The following ZHX2 variants were observed in gnomAD, a reference collection of about 807,000 sequenced individuals.
The protein encoded by ZHX2 is zinc fingers and homeoboxes protein 2.
A neutral mutation model predicts 21.9 loss-of-function variants in ZHX2; 6 were observed. The observed-to-expected ratio is 0.27, with a 90% CI of 0.15 to 0.54. ZHX2 has a LOEUF of 0.54. Ranked by LOEUF, ZHX2 falls within the 20% of genes least tolerant of loss-of-function variation. The probability of loss-of-function intolerance (pLI) is 0.95; values close to 1 mark genes in which losing one functional copy is unlikely to be tolerated. For missense variants in ZHX2, 908 were observed against 1,090.7 expected (o/e 0.83, Z 2.36); for synonymous variants, 434 against 437.1 (o/e 0.99, Z 0.09).
chr8:122,839,086 A>G (rs1818566942), intron 1 of ZHX2, among the ~76,000 whole-genome samples: 1 of 152,172 alleles, frequency 6.6e-6, no homozygotes, highest in African/African-American at 2.4e-5. Flanking sequence ...GTATGATTAT[A>G]GAAGTTATAT....
intron 2 of ZHX2, among the ~76,000 whole-genome samples, chr8:122,945,271 T>A (rs1002702445): frequency 3.9e-5 from 6 of 151,932 alleles, no homozygotes; most frequent in African/African-American, 1.5e-4. Flanking sequence ...TCATACTCAG[T>A]AAGCAAGGGT....
intron 2 of ZHX2, among the ~76,000 whole-genome samples, chr8:122,887,862 G>A (rs968538939): frequency 1.3e-5 from 2 of 152,054 alleles, no homozygotes; most frequent in Non-Finnish European, 2.9e-5. Flanking sequence ...CTTCCTGTTG[G>A]TGTTGCCACC....
chr8:122,969,750 T>C (rs1042258056), intron 3 of ZHX2, among the ~76,000 whole-genome samples: 1 of 152,298 alleles, frequency 6.6e-6, no homozygotes, highest in East Asian at 1.9e-4. Flanking sequence ...TATGGAGAGA[T>C]AATCAATCAC....
intron 2 of ZHX2, among the ~76,000 whole-genome samples, chr8:122,930,227 G>C (rs1820951983): frequency 6.6e-6 from 1 of 152,124 alleles, no homozygotes; most frequent in Admixed American, 6.5e-5. Flanking sequence ...AAGACCCAAG[G>C]GATACTTATT....
At chr8:122,972,681 C>T (rs1354671533) in intron 3 of ZHX2, among the ~76,000 whole-genome samples, 1 of 152,206 alleles carries the variant, frequency 6.6e-6, no homozygotes, top group Non-Finnish European at 1.5e-5. Flanking sequence ...ACAATACTTA[C>T]CATGTGCCAG....
chr8:122,937,996 C>T (rs549938691), intron 2 of ZHX2, among the ~76,000 whole-genome samples: 7 of 120,274 alleles, frequency 5.8e-5, no homozygotes, highest in South Asian at 2.8e-4. Context: ...AGTGCAGTGG[C>T]GAGATCCCGG....
chr8:122,853,796 C>T (rs1344632798), intron 1 of ZHX2, among the ~76,000 whole-genome samples: 2 of 152,160 alleles, frequency 1.3e-5, no homozygotes, highest in African/African-American at 4.8e-5. Context: ...GTCACCCCTC[C>T]CAGGGCACCT....
chr8:122,958,995 G>A (rs1813376556), intron 3 of ZHX2, among the ~76,000 whole-genome samples: 1 of 152,182 alleles, frequency 6.6e-6, no homozygotes, highest in Non-Finnish European at 1.5e-5. Context: ...CTAGGAGGGG[G>A]AGAGGTGGCT....
intron 2 of ZHX2, among the ~76,000 whole-genome samples, chr8:122,932,689 C>T (rs375734823): frequency 6.6e-6 from 1 of 152,352 alleles, no homozygotes; most frequent in East Asian, 1.9e-4. Flanking sequence ...TTAGGTCCCA[C>T]TTGGGGAATC....
At chr8:122,934,081 G>T (rs571584352) in intron 2 of ZHX2, among the ~76,000 whole-genome samples, 2 of 152,250 alleles carry the variant, frequency 1.3e-5, no homozygotes, top group East Asian at 3.9e-4. Flanking sequence ...CACGTTTGCA[G>T]GTACCTGGCA....
At chr8:122,808,914 G>A (rs1209457064) in intron 1 of ZHX2, 1 of 152,240 alleles carries the variant, frequency 6.6e-6, no homozygotes, top group Non-Finnish European at 1.5e-5. Flanking sequence ...TGTGCTGCAT[G>A]CAGTTTTTCT....
rs77755283 is a variant in ZHX2, at chr8:122,802,916, C to G, written c.-283+20970C>G. Among the ~76,000 whole-genome samples the G allele has an allele frequency of 1.4e-4, 21 of 151,974 alleles. No homozygotes were observed. In the South Asian group the frequency reaches 4.1e-3, roughly 30 times the overall value. On this transcript the variant is annotated intron_variant, in intron 1 of 3. Coordinates refer to ENST00000314393, the MANE Select transcript of ZHX2 (RefSeq NM_014943.5). ...CAGAGGAGGCTGACAGGCTGTCACC[C>G]GAGAATGCTCCCCTGCATCCCACTG...
At chr8:122,923,518 A>G (rs1442581552) in intron 2 of ZHX2, among the ~76,000 whole-genome samples, 1 of 152,254 alleles carries the variant, frequency 6.6e-6, no homozygotes, top group Non-Finnish European at 1.5e-5. Flanking sequence ...AAGCAGTCAC[A>G]GGTCAGCACA....
At chr8:122,922,986 A>G (rs1030034654) in intron 2 of ZHX2, among the ~76,000 whole-genome samples, 4 of 152,188 alleles carry the variant, frequency 2.6e-5, no homozygotes, top group Non-Finnish European at 5.9e-5. Context: ...GACAGAGCCA[A>G]CCAGGTGGCC....
At chr8:122,874,329 C>T (rs933098288) in intron 2 of ZHX2, among the ~76,000 whole-genome samples, 23 of 152,274 alleles carry the variant, frequency 1.5e-4, no homozygotes, top group Non-Finnish European at 2.6e-4. Context: ...ATACCATTTG[C>T]TAAGTCCTTG....
intron 1 of ZHX2, among the ~76,000 whole-genome samples, chr8:122,808,181 G>A (rs727221): frequency 0.66 from 100,995 of 152,062 alleles, 33,623 homozygotes; most frequent in African/African-American, 0.72. Flanking sequence ...CCACTTAGAT[G>A]TGAGCACCAG....
chr8:122,955,839 A>AT (rs540333833), intron 3 of ZHX2, among the ~76,000 whole-genome samples: 5,231 of 104,830 alleles, frequency 0.05, 557 homozygotes, highest in African/African-American at 0.17. Flanking sequence ...TGAGGGAGTG[A>AT]TTTTTTTTTT....
At chr8:122,938,280 G>A (rs1193057647) in intron 2 of ZHX2, among the ~76,000 whole-genome samples, 2 of 152,128 alleles carry the variant, frequency 1.3e-5, no homozygotes, top group Admixed American at 6.5e-5. Context: ...TAAGCTTTCA[G>A]TGGAGAGTGG....
At chr8:122,859,463 G>A (rs1372991799) in intron 1 of ZHX2, among the ~76,000 whole-genome samples, 1 of 152,202 alleles carries the variant, frequency 6.6e-6, no homozygotes, top group Non-Finnish European at 1.5e-5. Flanking sequence ...GGAGGGGAAG[G>A]CGGCATTAAT....
Sources: gnomAD v4.1 joint callset for allele counts (sites outside exome capture counted in the v4.1 genomes callset) on GRCh38, gnomAD v4.1.1 for gene constraint, MANE v1.5 for transcripts, NCBI Gene and HGNC (gene_info 2026-07-23, HGNC 2026-07-21) for gene names.